Variants in UBE2D3 observed in about 807,000 individuals in gnomAD.
UBE2D3 encodes ubiquitin-conjugating enzyme E2 D3.
In UBE2D3, 2 loss-of-function variants were observed where a neutral mutation model predicts 22.8. The ratio of observed to expected loss-of-function variants is 0.09; its 90% CI spans 0.04 to 0.28. The LOEUF (loss-of-function observed/expected upper bound fraction) is 0.28. Ranked by LOEUF, UBE2D3 falls within the 10% of genes least tolerant of loss-of-function variation. UBE2D3 has a pLI of 1.00. For missense variants in UBE2D3, 27 were observed against 182.5 expected, an observed-to-expected ratio of 0.15 and a Z score of 4.91; for synonymous variants, 56 against 60.4, an observed-to-expected ratio of 0.93 and a Z score of 0.34.
chr4:102,838,807 CAAAAAAA>C (rs145975514), intron 1 of UBE2D3, among the ~76,000 whole-genome samples: 1,670 of 54,360 alleles, frequency 0.031, 24 homozygotes, highest in Non-Finnish European at 0.036. Flanking sequence ...CTGTGCTGGG[CAAAAAAA>C]AAAAAAAAAA....
intron 7 of UBE2D3, chr4:102,798,881 G>T: frequency 1.3e-6 from 2 of 1,586,604 alleles, no homozygotes; most frequent in South Asian, 1.1e-5. Context: ...GCACTCAAGT[G>T]CTGGCAGTAC....
At chr4:102,825,844 G>C in intron 2 of UBE2D3, 1 of 449,794 alleles carries the variant, frequency 2.2e-6, no homozygotes, top group Non-Finnish European at 4.5e-6. Flanking sequence ...AATAGCTTCG[G>C]GTGAAAAGCT....
upstream of UBE2D3, chr4:102,828,057 CA>C: frequency 2.0e-6 from 2 of 985,424 alleles, no homozygotes; most frequent in South Asian, 9.4e-5. Flanking sequence ...GTTCCGCCTC[CA>C]AAATGCATAA....
At chr4:102,805,234 A>G (rs921438325) in intron 4 of UBE2D3, among the ~76,000 whole-genome samples, 6 of 152,220 alleles carry the variant, frequency 3.9e-5, no homozygotes, top group African/African-American at 1.4e-4. Flanking sequence ...CGAGGTTCAG[A>G]GATAATGAAA....
intron 1 of UBE2D3, among the ~76,000 whole-genome samples, chr4:102,836,852 A>G (rs149732709): frequency 1.3e-3 from 202 of 152,222 alleles, no homozygotes; most frequent in African/African-American, 4.8e-3. Context: ...CCCATTGTTC[A>G]TTGTATTCCT....
chr4:102,866,133 T>A (rs1473703859), intron 1 of UBE2D3, among the ~76,000 whole-genome samples: 1 of 152,204 alleles, frequency 6.6e-6, no homozygotes, highest in Non-Finnish European at 1.5e-5. Flanking sequence ...AAGTGGATAA[T>A]AAGGATTTTT....
At chr4:102,807,586 T>C (rs1727265239) in intron 4 of UBE2D3, among the ~76,000 whole-genome samples, 1 of 152,212 alleles carries the variant, frequency 6.6e-6, no homozygotes, top group Non-Finnish European at 1.5e-5. Flanking sequence ...GAAAATCACA[T>C]GCTTCTGTTT....
upstream of UBE2D3, among the ~76,000 whole-genome samples, chr4:102,831,554 A>ATAT (rs1731117097): frequency 6.6e-6 from 1 of 152,310 alleles, no homozygotes; most frequent in African/African-American, 2.4e-5. Flanking sequence ...ATATGTGTAT[A>ATAT]ATGGAATATT....
intron 2 of UBE2D3, among the ~76,000 whole-genome samples, chr4:102,821,113 GCATT>G (rs1392769971): frequency 1.3e-5 from 2 of 152,136 alleles, no homozygotes; most frequent in Non-Finnish European, 2.9e-5. Flanking sequence ...TTTGGTGAAT[GCATT>G]CATTTTTAAT....
At chr4:102,848,818 CA>C (rs962424963) in intron 1 of UBE2D3, among the ~76,000 whole-genome samples, 3 of 150,362 alleles carry the variant, frequency 2.0e-5, no homozygotes, top group African/African-American at 7.3e-5. Context: ...GACCTTGTCT[CA>C]AAAAAAAGTA....
intron 1 of UBE2D3, among the ~76,000 whole-genome samples, chr4:102,835,721 A>G (rs191307960): frequency 4.5e-4 from 68 of 152,356 alleles, no homozygotes; most frequent in Admixed American, 9.1e-4. Flanking sequence ...CTTTATTGAA[A>G]TATAATTGAC....
At chr4:102,802,687 A>G in intron 4 of UBE2D3, 49 bp from the exon 5 acceptor site, 1 of 1,413,632 alleles carries the variant, frequency 7.1e-7, no homozygotes, top group Non-Finnish European at 9.8e-7. Flanking sequence ...ATTATTGCTA[A>G]ATATTCCGTA....
At chr4:102,853,039 C>G (rs1324575977) in intron 1 of UBE2D3, among the ~76,000 whole-genome samples, 1 of 150,938 alleles carries the variant, frequency 6.6e-6, no homozygotes, top group Non-Finnish European at 1.5e-5. Context: ...ATAACATACT[C>G]TAATAACAAT....
At chr4:102,868,698 G>C (rs1733304699) in intron 1 of UBE2D3, 1 of 1,613,990 alleles carries the variant, frequency 6.2e-7, no homozygotes, top group South Asian at 1.1e-5. Context: ...ACGAAGTAGA[G>C]ACAGCAAGAG....
rs775795397 is a variant in UBE2D3 at position 102,861,802 on chromosome 4, T to C, written c.-129+6913A>G. 2.6e-4 allele frequency among the ~76,000 whole-genome samples: 39 copies of C among 152,014 alleles called. 1 individual carries two copies. The highest frequency in any genetic ancestry group is 5.0e-4 in the Non-Finnish European group (34 of 67,948). On this transcript the variant is annotated intron_variant, in intron 1 of 7. Coordinates refer to the UBE2D3 transcript ENST00000338145. Reference sequence around the variant, plus strand: ...TCATATATGTGCTTTGTAACCATAATCTTTTGTCTAGTCAATGACTGCAAA... The same window carrying C: ...TCATATATGTGCTTTGTAACCATAACCTTTTGTCTAGTCAATGACTGCAAA...
chr4:102,799,660 G>C lies in UBE2D3; in HGVS notation c.305-160C>G, dbSNP rs117683410. On this transcript the variant is annotated intron_variant, in intron 6 of 7. Coordinates refer to ENST00000453744, the MANE Select transcript of UBE2D3 (RefSeq NM_181891.3). ...TTTACAGAGATTTTGTTTCACAGAA[G>C]ACAAGCTCCTGGTAAGTAAGAAGTG... Among the ~76,000 whole-genome samples, 156 of 151,990 alleles carry C rather than the reference G, an allele frequency of 1.0e-3. 2 individuals are homozygous for C. In the East Asian group the frequency reaches 0.024, roughly 24 times the overall value.
At chr4:102,856,267 G>A (rs1732613288) in intron 1 of UBE2D3, among the ~76,000 whole-genome samples, 1 of 152,194 alleles carries the variant, frequency 6.6e-6, no homozygotes, top group Non-Finnish European at 1.5e-5. Context: ...TCGGAAGGCT[G>A]AGGCACCAAA....
intron 1 of UBE2D3, among the ~76,000 whole-genome samples, chr4:102,851,068 CCA>C (rs1732322773): frequency 1.3e-5 from 2 of 152,140 alleles, no homozygotes; most frequent in South Asian, 4.2e-4. Flanking sequence ...CACCTGTTCC[CCA>C]CAAACTATTG....
intron 2 of UBE2D3, among the ~76,000 whole-genome samples, chr4:102,822,817 T>C (rs888256726): frequency 3.0e-5 from 2 of 65,852 alleles, no homozygotes; most frequent in African/African-American, 2.1e-4. Context: ...GCGCCTGTAG[T>C]CCCAGCTACT....
Sources: allele counts gnomAD v4.1 joint callset (sites outside exome capture counted in the v4.1 genomes callset), GRCh38; gene constraint gnomAD v4.1.1; transcripts MANE v1.5; gene names NCBI Gene and HGNC (gene_info 2026-07-23, HGNC 2026-07-21).